NAALADL2: variants seen among roughly 807,000 people sequenced by gnomAD.
The protein encoded by NAALADL2 is N-acetylated alpha-linked acidic dipeptidase like 2, also known as inactive N-acetylated-alpha-linked acidic dipeptidase-like protein 2.
NAALADL2 carries 76 observed loss-of-function variants against 87.2 expected under a neutral mutation model. The observed-to-expected ratio is 0.87, with a 90% CI of 0.72 to 1.05. NAALADL2 has a LOEUF of 1.05. NAALADL2 is among the 50% of genes least tolerant of loss of function. The pLI, the probability that NAALADL2 is intolerant of heterozygous loss-of-function variation, is 0.00. For synonymous variants in NAALADL2, 354 were observed against 331.0 expected (o/e 1.07, Z -0.75); for missense variants, 1,089 against 945.8 (o/e 1.15, Z -1.99).
intron 2 of NAALADL2, among the ~76,000 whole-genome samples, chr3:175,117,551 C>G (rs1272556757): frequency 1.3e-5 from 2 of 151,634 alleles, no homozygotes; most frequent in Non-Finnish European, 2.9e-5. Flanking sequence ...AAATGCAAAT[C>G]AAAACCACAA....
chr3:175,158,779 G>A, intron 2 of NAALADL2, among the ~76,000 whole-genome samples: 1 of 152,094 alleles, frequency 6.6e-6, no homozygotes, highest in Non-Finnish European at 1.5e-5. Flanking sequence ...AAAAATAGGA[G>A]AAATAGAGTT....
intron 9 of NAALADL2, among the ~76,000 whole-genome samples, chr3:175,516,937 CT>C (rs1374134715): frequency 6.6e-6 from 1 of 152,136 alleles, no homozygotes; most frequent in Admixed American, 6.6e-5. Flanking sequence ...ATATGTGCCA[CT>C]TTTGGAGATG....
At chr3:175,028,442 A>G (rs747127321) in intron 1 of NAALADL2, among the ~76,000 whole-genome samples, 1 of 152,098 alleles carries the variant, frequency 6.6e-6, no homozygotes. Flanking sequence ...CCTTAGCAGA[A>G]TTGGATTTAG....
chr3:175,806,934 ACTGT>A lies in NAALADL2; in HGVS notation c.*3732_*3735del, dbSNP rs1754760194. ...AACATATTTCTCCAAAACTGATCAG[ACTGT>A]GGAGTCTGTCACTTTTTTGGTATAA... On this transcript the variant is annotated 3_prime_UTR_variant, in exon 14 of 14. Coordinates refer to ENST00000454872, the MANE Select transcript of NAALADL2 (RefSeq NM_207015.3). The A allele has an allele frequency of 6.6e-6, 1 of 151,724 alleles. No homozygotes were observed. Among genetic ancestry groups the A allele is most frequent in the Non-Finnish European group, 1.5e-5 (1 of 67,838 alleles). The allele number at this position is 151,724 out of a possible 1,614,324, so 9.4% of individuals were successfully genotyped here. A position where few individuals can be genotyped will look rare whatever the true frequency, so the allele number is the denominator to read the frequency against.
intron 1 of NAALADL2, among the ~76,000 whole-genome samples, chr3:175,045,623 A>G (rs1754571427): frequency 6.6e-6 from 1 of 152,190 alleles, no homozygotes; most frequent in Admixed American, 6.6e-5. Context: ...TATTACTCAC[A>G]GTATAGCGGC....
intron 9 of NAALADL2, among the ~76,000 whole-genome samples, chr3:175,505,266 GAAA>G (rs11295985): frequency 4.4e-4 from 57 of 130,308 alleles, no homozygotes; most frequent in African/African-American, 1.4e-3. Context: ...CCTGTCTCGA[GAAA>G]AAAAAAAAAA....
chr3:175,118,232 C>T (rs1285051670), intron 2 of NAALADL2, among the ~76,000 whole-genome samples: 1 of 151,822 alleles, frequency 6.6e-6, no homozygotes, highest in Non-Finnish European at 1.5e-5. Context: ...ACGTTGTGCA[C>T]ATGTACCCTA....
In NAALADL2 at chr3:175,268,316, C is replaced by T. The variant is rs1211723572; in HGVS notation, c.939+11786C>T. ...AACATCTCTAAACATAGAAAAAGTA[C>T]AGTAAAAATATGATATAAGAGACAA... is the stretch of plus-strand genomic sequence containing the variant. On this transcript the variant is annotated intron_variant, in intron 4 of 13. Coordinates refer to ENST00000454872, the MANE Select transcript of NAALADL2 (RefSeq NM_207015.3). Among the ~76,000 whole-genome samples the T allele has an allele frequency of 2.6e-5, 4 of 152,120 alleles. No homozygotes were observed. The East Asian group carries it at 7.7e-4, about 29-fold the overall frequency.
At chr3:175,536,748 C>T (rs1337307795) in intron 9 of NAALADL2, among the ~76,000 whole-genome samples, 1 of 152,206 alleles carries the variant, frequency 6.6e-6, no homozygotes, top group East Asian at 1.9e-4. Context: ...CTCCTGACCT[C>T]GTGATCTGCC....
intron 2 of NAALADL2, among the ~76,000 whole-genome samples, chr3:174,567,236 T>C (rs1714392191): frequency 6.6e-6 from 1 of 151,622 alleles, no homozygotes; most frequent in Admixed American, 6.6e-5. Flanking sequence ...TTTAATAAAA[T>C]TGGAAATATA....
intron 9 of NAALADL2, among the ~76,000 whole-genome samples, chr3:175,537,068 G>A (rs987456529): frequency 6.6e-6 from 1 of 152,162 alleles, no homozygotes; most frequent in Non-Finnish European, 1.5e-5. Flanking sequence ...AATAACTTGT[G>A]TTTGTATCTG....
At chr3:175,578,110 T>A (rs1399473246) in intron 10 of NAALADL2, among the ~76,000 whole-genome samples, 1 of 152,112 alleles carries the variant, frequency 6.6e-6, no homozygotes, top group African/African-American at 2.4e-5. Context: ...CTGCTTTTTT[T>A]TAAAAAATCC....
intron 2 of NAALADL2, among the ~76,000 whole-genome samples, chr3:175,179,403 T>G (rs963861679): frequency 3.9e-5 from 6 of 151,958 alleles, no homozygotes; most frequent in African/African-American, 1.4e-4. Flanking sequence ...AAATAATGGC[T>G]ATCAGAGTGC....
chr3:175,680,551 G>T (rs536022896), intron 11 of NAALADL2, among the ~76,000 whole-genome samples: 86 of 152,200 alleles, frequency 5.7e-4, no homozygotes, highest in Admixed American at 1.2e-3. Context: ...CCTAGCTTCA[G>T]GCAGTGTTAT....
chr3:174,872,516 T>C (rs1342258614), intron 1 of NAALADL2, among the ~76,000 whole-genome samples: 15 of 152,210 alleles, frequency 9.9e-5, no homozygotes. Context: ...AGTAGATTCA[T>C]ATTTAAATTT....
chr3:175,422,366 C>T (rs1246887068), intron 5 of NAALADL2, among the ~76,000 whole-genome samples: 1 of 151,818 alleles, frequency 6.6e-6, no homozygotes, highest in African/African-American at 2.4e-5. Context: ...TGTTCATGTC[C>T]CAGAAATGCA....
intron 3 of NAALADL2, among the ~76,000 whole-genome samples, chr3:174,825,048 C>CT (rs1166322439): frequency 6.6e-6 from 1 of 152,134 alleles, no homozygotes; most frequent in East Asian, 1.9e-4. Context: ...GACCAAGTTT[C>CT]TTTTTTTATC....
intron 1 of NAALADL2, among the ~76,000 whole-genome samples, chr3:174,548,752 T>G (rs934163476): frequency 6.6e-6 from 1 of 152,218 alleles, no homozygotes; most frequent in Non-Finnish European, 1.5e-5. Flanking sequence ...TTGCCTCCTT[T>G]CTTCAGTTAC....
intron 5 of NAALADL2, among the ~76,000 whole-genome samples, chr3:175,396,538 ATT>A (rs71872980): frequency 1.3e-5 from 2 of 150,652 alleles, no homozygotes; most frequent in Admixed American, 6.6e-5. Context: ...AACCAAATGG[ATT>A]TTTTTTTTCC....
Sources: gnomAD v4.1 joint callset for allele counts (sites outside exome capture counted in the v4.1 genomes callset) on GRCh38, gnomAD v4.1.1 for gene constraint, MANE v1.5 for transcripts, NCBI Gene and HGNC (gene_info 2026-07-23, HGNC 2026-07-21) for gene names.